The following ZMIZ1 variants were observed in gnomAD, a reference collection of about 807,000 sequenced individuals.
ZMIZ1 encodes the protein zinc finger MIZ domain-containing protein 1.
In ZMIZ1, 17 loss-of-function variants were observed where a neutral mutation model predicts 113.9. The observed-to-expected ratio is 0.15, with a 90% confidence interval of 0.10 to 0.22. The LOEUF is 0.22. Among genes scored for constraint, ZMIZ1 ranks in the 10% least tolerant of loss-of-function variants. ZMIZ1 has a pLI of 1.00. For synonymous variants in ZMIZ1, 607 were observed against 603.1 expected (o/e 1.01, Z -0.09); for missense variants, 1,059 against 1,477.8 (o/e 0.72, Z 4.65).
At chr10:79,122,970 G>A (rs966666154) in intron 2 of ZMIZ1, among the ~76,000 whole-genome samples, 2 of 152,218 alleles carry the variant, frequency 1.3e-5, no homozygotes, top group Non-Finnish European at 2.9e-5. Context: ...AGAGCGCAGA[G>A]GTCCAGCCAG....
In ZMIZ1 at chr10:79,291,242, G is replaced by A; in HGVS notation, c.758+66G>A. On this transcript the variant is annotated intron_variant, in intron 10 of 24. Coordinates refer to ENST00000334512, the MANE Select transcript of ZMIZ1 (RefSeq NM_020338.4). Reference sequence around the variant, plus strand: ...CCCTCTTCCTCCTTCCAGTGGGGAGGGACCCACTTAAATCCCAGCTCCACG... The same window carrying A: ...CCCTCTTCCTCCTTCCAGTGGGGAGAGACCCACTTAAATCCCAGCTCCACG... 7 of 1,478,008 alleles carry A rather than the reference G, an allele frequency of 4.7e-6. No individual in the cohort carries two copies. In the South Asian group the frequency reaches 9.2e-5, roughly 20 times the overall value. 91.6% of individuals were successfully genotyped at this position (1,478,008 alleles called of 1,614,324 possible). A position where few individuals can be genotyped will look rare whatever the true frequency, so the allele number is the denominator to read the frequency against.
chr10:79,272,317 T>C (rs1851998053), intron 7 of ZMIZ1, among the ~76,000 whole-genome samples: 1 of 151,904 alleles, frequency 6.6e-6, no homozygotes, highest in South Asian at 2.1e-4. Context: ...ACAATAACCC[T>C]AAAGAGTAAG....
At chr10:79,288,354 G>A (rs1853227316) in intron 8 of ZMIZ1, among the ~76,000 whole-genome samples, 1 of 152,190 alleles carries the variant, frequency 6.6e-6, no homozygotes, top group South Asian at 2.1e-4. Context: ...TGCCCTGGCT[G>A]CTAGGGTTGG....
At chr10:79,104,740 G>A (rs910017690) in intron 1 of ZMIZ1, among the ~76,000 whole-genome samples, 2 of 152,190 alleles carry the variant, frequency 1.3e-5, no homozygotes, top group African/African-American at 4.8e-5. Flanking sequence ...GAACCTCACC[G>A]TAGCCTTGGG....
intron 3 of ZMIZ1, among the ~76,000 whole-genome samples, chr10:79,142,882 G>T (rs937350567): frequency 6.6e-6 from 1 of 152,216 alleles, no homozygotes; most frequent in Non-Finnish European, 1.5e-5. Flanking sequence ...AAGAGGCACC[G>T]AGCAGCTCCC....
chr10:79,189,522 T>C (rs1477767991), intron 4 of ZMIZ1, among the ~76,000 whole-genome samples: 3 of 152,208 alleles, frequency 2.0e-5, no homozygotes, highest in African/African-American at 7.2e-5. Flanking sequence ...GTTGTTATTA[T>C]TTATAGATGA....
At chr10:79,256,857 C>T (rs1323560381) in intron 7 of ZMIZ1, among the ~76,000 whole-genome samples, 1 of 152,210 alleles carries the variant, frequency 6.6e-6, no homozygotes, top group Non-Finnish European at 1.5e-5. Flanking sequence ...AAGGTTTGTG[C>T]ATGCTTGTGA....
intron 7 of ZMIZ1, among the ~76,000 whole-genome samples, chr10:79,261,633 C>T (rs1002105535): frequency 2.0e-5 from 3 of 152,160 alleles, no homozygotes; most frequent in African/African-American, 7.2e-5. Flanking sequence ...GAAGCAGGCT[C>T]CAAGGCAGAG....
chr10:79,095,674 G>A (rs1431839483), intron 1 of ZMIZ1, among the ~76,000 whole-genome samples: 1 of 152,196 alleles, frequency 6.6e-6, no homozygotes, highest in Non-Finnish European at 1.5e-5. Context: ...CCGTGAGGAG[G>A]CCCCTCGGTA....
intron 4 of ZMIZ1, among the ~76,000 whole-genome samples, chr10:79,164,404 TTGAGTGAGTGAGTGAG>T (rs67735676): frequency 5.3e-5 from 8 of 151,280 alleles, no homozygotes; most frequent in East Asian, 3.9e-4. Flanking sequence ...ATTCTGTTAA[TTGAGTGAGTGAGTGAG>T]TGAGTGAGTG....
chr10:79,243,013 G>C (rs1260850361), intron 7 of ZMIZ1, among the ~76,000 whole-genome samples: 1 of 151,026 alleles, frequency 6.6e-6, no homozygotes, highest in Non-Finnish European at 1.5e-5. Flanking sequence ...CGGACGGCGA[G>C]GCTCGCGGGG....
intron 7 of ZMIZ1, among the ~76,000 whole-genome samples, chr10:79,247,215 G>T (rs1850259559): frequency 6.6e-6 from 1 of 152,238 alleles, no homozygotes; most frequent in Non-Finnish European, 1.5e-5. Flanking sequence ...GCAGCTTGAG[G>T]GATGCGAGGA....
At chr10:79,238,826 G>C (rs906204237) in intron 7 of ZMIZ1, among the ~76,000 whole-genome samples, 5 of 152,228 alleles carry the variant, frequency 3.3e-5, no homozygotes, top group Non-Finnish European at 5.9e-5. Flanking sequence ...AGGTCTGGTG[G>C]TGAGGATTGT....
intron 7 of ZMIZ1, among the ~76,000 whole-genome samples, chr10:79,265,387 G>C (rs1167598336): frequency 6.6e-6 from 1 of 152,084 alleles, no homozygotes; most frequent in East Asian, 1.9e-4. Flanking sequence ...AGCTTGTGTG[G>C]GGACCGGGGG....
intron 3 of ZMIZ1, among the ~76,000 whole-genome samples, chr10:79,158,057 G>A (rs999575415): frequency 6.6e-6 from 1 of 152,184 alleles, no homozygotes; most frequent in African/African-American, 2.4e-5. Flanking sequence ...GGACACCCTT[G>A]TGACCACCGT....
At chr10:79,104,573 T>A (rs2132272714) in intron 1 of ZMIZ1, among the ~76,000 whole-genome samples, 1 of 152,326 alleles carries the variant, frequency 6.6e-6, no homozygotes, top group Admixed American at 6.5e-5. Context: ...GGTCGTAGGA[T>A]GTCTTTGATT....
intron 3 of ZMIZ1, among the ~76,000 whole-genome samples, chr10:79,153,825 A>G (rs981997226): frequency 6.6e-6 from 1 of 152,246 alleles, no homozygotes; most frequent in Non-Finnish European, 1.5e-5. Flanking sequence ...CGCTAGCAAG[A>G]ACAGGACTTT....
intron 4 of ZMIZ1, among the ~76,000 whole-genome samples, chr10:79,168,702 C>T (rs1412984908): frequency 6.6e-6 from 1 of 152,218 alleles, no homozygotes; most frequent in African/African-American, 2.4e-5. Context: ...GGCGCATGGT[C>T]ACGCTCTCAG....
intron 1 of ZMIZ1, among the ~76,000 whole-genome samples, chr10:79,103,421 A>G (rs948106974): frequency 6.6e-6 from 1 of 152,102 alleles, no homozygotes. Flanking sequence ...AGGAGTGGGC[A>G]GATCCGCACG....
Sources: gnomAD v4.1 joint callset for allele counts (sites outside exome capture counted in the v4.1 genomes callset) on GRCh38, gnomAD v4.1.1 for gene constraint, MANE v1.5 for transcripts, NCBI Gene and HGNC (gene_info 2026-07-23, HGNC 2026-07-21) for gene names.